Variants in CIB4 observed in about 807,000 individuals in gnomAD.
The protein encoded by CIB4 is calcium and integrin-binding family member 4.
Under a neutral mutation model 25.8 loss-of-function variants are expected in CIB4, and 25 were observed. That is an observed-to-expected ratio of 0.97 (90% CI 0.71 to 1.35). The LOEUF (loss-of-function observed/expected upper bound fraction) is 1.35. Among genes scored for constraint, CIB4 ranks in the 40% most tolerant of loss-of-function variants. The pLI is 0.00. For missense variants in CIB4, 235 were observed against 228.2 expected (o/e 1.03, Z -0.19); for synonymous variants, 75 against 81.4 (o/e 0.92, Z 0.42).
intron 4 of CIB4, among the ~76,000 whole-genome samples, chr2:26,586,033 C>G (rs1489392172): frequency 2.6e-5 from 4 of 152,206 alleles, no homozygotes; most frequent in African/African-American, 7.2e-5. Context: ...GCTCCCCGCA[C>G]TTCCCATGCA....
chr2:26,602,604 G>T (rs572324837), intron 3 of CIB4, among the ~76,000 whole-genome samples: 1 of 152,170 alleles, frequency 6.6e-6, no homozygotes, highest in African/African-American at 2.4e-5. Context: ...TTGATGTGTA[G>T]TATACATGGG....
intron 3 of CIB4, among the ~76,000 whole-genome samples, chr2:26,616,591 C>G (rs1669096856): frequency 1.3e-5 from 2 of 152,152 alleles, no homozygotes; most frequent in Non-Finnish European, 2.9e-5. Context: ...TGAAGGGGCC[C>G]TGCTGTCAGG....
chr2:26,597,852 A>G (rs1408580521), intron 3 of CIB4, among the ~76,000 whole-genome samples: 1 of 151,756 alleles, frequency 6.6e-6, no homozygotes, highest in African/African-American at 2.4e-5. Flanking sequence ...AGCAAGTGGG[A>G]GAGCCGGCCT....
chr2:26,624,882 T>C (rs997139566), intron 3 of CIB4, among the ~76,000 whole-genome samples: 3 of 152,034 alleles, frequency 2.0e-5, no homozygotes, highest in African/African-American at 7.2e-5. Flanking sequence ...TTATAGTCAA[T>C]AATAATTGTA....
intron 3 of CIB4, among the ~76,000 whole-genome samples, chr2:26,625,674 C>T (rs189324642): frequency 2.0e-5 from 3 of 152,322 alleles, no homozygotes; most frequent in African/African-American, 4.8e-5. Context: ...CTCCACCCCC[C>T]CACTGCTTCC....
At chr2:26,633,954 G>T (rs1014242392) in intron 2 of CIB4, among the ~76,000 whole-genome samples, 12 of 152,130 alleles carry the variant, frequency 7.9e-5, no homozygotes, top group Non-Finnish European at 1.8e-4. Flanking sequence ...TCCAGTTTAG[G>T]TATCCTATGA....
chr2:26,586,712 G>T (rs1351516374), intron 4 of CIB4, among the ~76,000 whole-genome samples: 1 of 152,182 alleles, frequency 6.6e-6, no homozygotes, highest in Non-Finnish European at 1.5e-5. Context: ...GGAAGTCTAT[G>T]CTCTTAACTA....
chr2:26,638,751 G>T (rs1340290427), intron 2 of CIB4, among the ~76,000 whole-genome samples: 1 of 152,190 alleles, frequency 6.6e-6, no homozygotes, highest in Non-Finnish European at 1.5e-5. Context: ...TCAGGAGTTT[G>T]AGAACAGCCT....
chr2:26,635,948 G>A (rs1235785175), intron 2 of CIB4, among the ~76,000 whole-genome samples: 3 of 152,162 alleles, frequency 2.0e-5, no homozygotes, highest in Admixed American at 1.3e-4. Flanking sequence ...TACAATCAAA[G>A]TTACAAATAC....
chr2:26,630,406 G>A (rs1259731611), intron 2 of CIB4, among the ~76,000 whole-genome samples: 2 of 152,196 alleles, frequency 1.3e-5, no homozygotes, highest in African/African-American at 4.8e-5. Flanking sequence ...TGGCAGGGCT[G>A]TGTGACCTCG....
chr2:26,620,685 G>C (rs1011344381), intron 3 of CIB4, among the ~76,000 whole-genome samples: 2 of 152,082 alleles, frequency 1.3e-5, no homozygotes. Flanking sequence ...TCCCACCTAG[G>C]GACTTCAGCT....
intron 4 of CIB4, among the ~76,000 whole-genome samples, chr2:26,589,042 T>TTCTTCTTCCTCTTCC (rs1558554719): frequency 3.2e-4 from 15 of 47,468 alleles, no homozygotes; most frequent in Admixed American, 8.4e-4. Flanking sequence ...CTTCTTCTTC[T>TTCTTCTTCCTCTTCC]TCTTCTTCTT....
intron 3 of CIB4, among the ~76,000 whole-genome samples, chr2:26,609,558 G>A (rs1668957022): frequency 6.6e-6 from 1 of 152,146 alleles, no homozygotes; most frequent in African/African-American, 2.4e-5. Context: ...AGATGTAGGA[G>A]CCCCTCTTCT....
At chr2:26,608,477 C>G (rs1346789393) in intron 3 of CIB4, among the ~76,000 whole-genome samples, 1 of 152,212 alleles carries the variant, frequency 6.6e-6, no homozygotes, top group South Asian at 2.1e-4. Flanking sequence ...GCCCAAGAGT[C>G]TGTATCTGAA....
At chr2:26,595,897 GCACACA>G (rs61283412) in intron 3 of CIB4, among the ~76,000 whole-genome samples, 7 of 32,148 alleles carry the variant, frequency 2.2e-4, no homozygotes, top group African/African-American at 3.6e-4. Context: ...TTATCTGCGC[GCACACA>G]CACACACACA....
chr2:26,613,707 G>A (rs1301575717), intron 3 of CIB4, among the ~76,000 whole-genome samples: 3 of 152,220 alleles, frequency 2.0e-5, no homozygotes, highest in Admixed American at 6.5e-5. Flanking sequence ...AAGAGCCCAG[G>A]AGACTTTAGG....
intron 3 of CIB4, among the ~76,000 whole-genome samples, chr2:26,608,800 CCT>C (rs1668942222): frequency 6.6e-6 from 1 of 152,206 alleles, no homozygotes; most frequent in Admixed American, 6.5e-5. Flanking sequence ...CCCCAGCACC[CCT>C]GTCTCGTGGG....
intron 3 of CIB4, chr2:26,623,457 A>G (rs1322539117): frequency 4.3e-6 from 2 of 460,630 alleles, no homozygotes; most frequent in Admixed American, 2.4e-5. Context: ...AGGACTTTTC[A>G]TCGCTTTCAG....
At chr2:26,591,017 A>T (rs1668577046) in intron 4 of CIB4, among the ~76,000 whole-genome samples, 1 of 152,200 alleles carries the variant, frequency 6.6e-6, no homozygotes, top group African/African-American at 2.4e-5. Flanking sequence ...CTTGAAGCCC[A>T]AGGAGAACCT....
Sources: allele counts gnomAD v4.1 joint callset (sites outside exome capture counted in the v4.1 genomes callset), GRCh38; gene constraint gnomAD v4.1.1; transcripts MANE v1.5; gene names NCBI Gene and HGNC (gene_info 2026-07-23, HGNC 2026-07-21).